UBE2G1: variants seen among roughly 807,000 people sequenced by gnomAD.
UBE2G1 encodes the protein ubiquitin-conjugating enzyme E2 G1.
Under a neutral mutation model 22.7 loss-of-function variants are expected in UBE2G1, and 5 were observed. The ratio of observed to expected loss-of-function variants is 0.22; its 90% CI spans 0.12 to 0.46. The LOEUF is 0.46. Among genes scored for constraint, UBE2G1 ranks in the 20% least tolerant of loss-of-function variants. The pLI is 0.99. For missense variants in UBE2G1, 88 were observed against 203.9 expected, an observed-to-expected ratio of 0.43 and a Z score of 3.46; for synonymous variants, 74 against 67.5, an observed-to-expected ratio of 1.10 and a Z score of -0.47.
intron 1 of UBE2G1, among the ~76,000 whole-genome samples, chr17:4,334,824 T>C (rs1244472911): frequency 1.3e-5 from 2 of 152,112 alleles, no homozygotes; most frequent in African/African-American, 2.4e-5. Flanking sequence ...CAGGTGGTTT[T>C]ACCTGTTTTT....
chr17:4,284,838 CTTTTTTTT>C (rs1176508350), intron 4 of UBE2G1, among the ~76,000 whole-genome samples: 4 of 22,318 alleles, frequency 1.8e-4, no homozygotes, highest in African/African-American at 3.7e-4. Context: ...TCTTTTCTTT[CTTTTTTTT>C]TTTTTTTTTT....
chr17:4,308,689 T>C (rs1295388658), intron 1 of UBE2G1, among the ~76,000 whole-genome samples: 2 of 152,172 alleles, frequency 1.3e-5, no homozygotes, highest in Non-Finnish European at 2.9e-5. Context: ...AATTGGAAAG[T>C]GTGGACAAAG....
intron 5 of UBE2G1, among the ~76,000 whole-genome samples, chr17:4,274,981 AC>A (rs1337166134): frequency 5.6e-5 from 8 of 141,706 alleles, no homozygotes; most frequent in South Asian, 4.6e-4. Context: ...ACATGAGTGT[AC>A]CACTGCACTG....
intron 1 of UBE2G1, among the ~76,000 whole-genome samples, chr17:4,333,519 TA>T (rs536297380): frequency 9.5e-4 from 145 of 151,940 alleles, no homozygotes; most frequent in South Asian, 1.5e-3. Flanking sequence ...CTACTAAAAA[TA>T]CAAAAATTAG....
chr17:4,337,721 T>C (rs550642602), intron 1 of UBE2G1, among the ~76,000 whole-genome samples: 3 of 151,488 alleles, frequency 2.0e-5, no homozygotes, highest in Non-Finnish European at 2.9e-5. Context: ...AATAAAGCTA[T>C]ACTCAGAGGA....
chr17:4,316,482 C>G (rs1969375362), intron 1 of UBE2G1, among the ~76,000 whole-genome samples: 1 of 152,090 alleles, frequency 6.6e-6, no homozygotes, highest in Admixed American at 6.5e-5. Flanking sequence ...AAAGTAACTG[C>G]AAAAACGTTC....
At chr17:4,277,035 C>T (rs891158292) in intron 5 of UBE2G1, among the ~76,000 whole-genome samples, 2 of 152,194 alleles carry the variant, frequency 1.3e-5, no homozygotes, top group Non-Finnish European at 2.9e-5. Context: ...ACAAGGTTCC[C>T]GAAGCTTGGG....
rs184754309 is a variant in UBE2G1 at position 4,274,493 on chromosome 17, G to T, written c.*38-1977C>A. Among the ~76,000 whole-genome samples the T allele has an allele frequency of 9.6e-3, 1,457 of 152,204 alleles. 13 individuals carry two copies. Among genetic ancestry groups the T allele is most frequent in the South Asian group, 0.033 (157 of 4,830 alleles). On this transcript the variant is annotated intron_variant, in intron 5 of 5. Transcript: ENST00000396981. ...ATTAGAGGCGTGAGCCACCACGCCTGGCCAAATTGATCTATCTTACAATCA... is the reference window on the plus strand; with the variant it reads ...ATTAGAGGCGTGAGCCACCACGCCTTGCCAAATTGATCTATCTTACAATCA...
intron 1 of UBE2G1, among the ~76,000 whole-genome samples, chr17:4,350,826 G>A (rs977961899): frequency 1.3e-5 from 2 of 151,694 alleles, no homozygotes; most frequent in Non-Finnish European, 2.9e-5. Context: ...AGGTCAGGAG[G>A]TCGAGACCAT....
chr17:4,290,270 A>G (rs1969017985), intron 3 of UBE2G1, among the ~76,000 whole-genome samples: 1 of 152,204 alleles, frequency 6.6e-6, no homozygotes, highest in Non-Finnish European at 1.5e-5. Flanking sequence ...GACAATGTTT[A>G]TGTATATTTC....
rs1352702492 is a variant in UBE2G1 at position 4,294,449 on chromosome 17, C to CGAAAA, written c.247+2263_247+2267dup. On this transcript the variant is annotated intron_variant, in intron 3 of 5. Transcript: ENST00000396981. ...AAAAAAAAAAAAAAAAAGAAAGAAA[C>CGAAAA]GAAAAGAAAAGAAAAGAAAAAAAAG... Among the ~76,000 whole-genome samples, 7 of 69,432 alleles carry CGAAAA rather than the reference C, an allele frequency of 1.0e-4. No individual in the cohort carries two copies. In the East Asian group the frequency reaches 1.7e-3, roughly 17 times the overall value. 45.6% of individuals were successfully genotyped at this position (69,432 alleles called of 152,430 possible). A position where few individuals can be genotyped will look rare whatever the true frequency, so the allele number is the denominator to read the frequency against.
chr17:4,285,266 GA>G (rs1270047980), intron 4 of UBE2G1, among the ~76,000 whole-genome samples: 2 of 151,298 alleles, frequency 1.3e-5, no homozygotes, highest in African/African-American at 4.9e-5. Context: ...CAATCATAAA[GA>G]AAAGAACCTA....
chr17:4,300,946 A>AG (rs1555520734), intron 2 of UBE2G1, among the ~76,000 whole-genome samples: 19 of 151,622 alleles, frequency 1.3e-4, no homozygotes, highest in African/African-American at 2.9e-4. Context: ...ACAAAAAAAA[A>AG]AGAGAGAGAG....
intron 1 of UBE2G1, among the ~76,000 whole-genome samples, chr17:4,338,695 T>C (rs1969677376): frequency 6.6e-6 from 1 of 152,250 alleles, no homozygotes; most frequent in South Asian, 2.1e-4. Context: ...AGCTAGGCAG[T>C]ATGCATGCTT....
intron 1 of UBE2G1, among the ~76,000 whole-genome samples, chr17:4,365,406 C>A (rs1183884543): frequency 6.6e-6 from 1 of 152,218 alleles, no homozygotes; most frequent in Non-Finnish European, 1.5e-5. Flanking sequence ...CCTAAAAAGT[C>A]AACCTGGAAG....
intron 1 of UBE2G1, among the ~76,000 whole-genome samples, chr17:4,330,554 A>G (rs111230500): frequency 0.025 from 3,766 of 151,322 alleles, 160 homozygotes; most frequent in African/African-American, 0.086. Flanking sequence ...CCTGACCAAC[A>G]TGGAGAAACC....
intron 1 of UBE2G1, among the ~76,000 whole-genome samples, chr17:4,315,127 T>A (rs933139653): frequency 3.3e-5 from 5 of 152,140 alleles, no homozygotes; most frequent in Admixed American, 3.3e-4. Context: ...ATGTTTAGAA[T>A]GTACTTCACA....
intron 1 of UBE2G1, among the ~76,000 whole-genome samples, chr17:4,325,763 C>T (rs979300603): frequency 1.3e-5 from 2 of 152,132 alleles, no homozygotes; most frequent in African/African-American, 4.8e-5. Context: ...GGCAAAAAGA[C>T]AGACATAATA....
intron 1 of UBE2G1, among the ~76,000 whole-genome samples, chr17:4,359,166 C>T (rs1324737096): frequency 6.6e-6 from 1 of 152,044 alleles, no homozygotes; most frequent in African/African-American, 2.4e-5. Flanking sequence ...TGTCTCCTGA[C>T]ATAAAGAACT....
Sources: gnomAD v4.1 joint callset for allele counts (sites outside exome capture counted in the v4.1 genomes callset) on GRCh38, gnomAD v4.1.1 for gene constraint, MANE v1.5 for transcripts, NCBI Gene and HGNC (gene_info 2026-07-23, HGNC 2026-07-21) for gene names.